NOVA2: variants seen among roughly 807,000 people sequenced by gnomAD.
The protein encoded by NOVA2 is NOVA alternative splicing regulator 2.
Under a neutral mutation model 22.5 loss-of-function variants are expected in NOVA2, and 9 were observed. That is an observed-to-expected ratio of 0.40 (90% CI 0.24 to 0.70). The LOEUF (loss-of-function observed/expected upper bound fraction) is 0.70, where lower values mean the gene tolerates loss of function less well. NOVA2 is among the 30% of genes least tolerant of loss of function. NOVA2 has a pLI of 0.38. For synonymous variants in NOVA2, 318 were observed against 335.2 expected (o/e 0.95, Z 0.56); for missense variants, 383 against 682.8 (o/e 0.56, Z 4.89).
At chr19:45,966,961 C>T (rs1040657564) in intron 1 of NOVA2, among the ~76,000 whole-genome samples, 3 of 152,152 alleles carry the variant, frequency 2.0e-5, no homozygotes, top group African/African-American at 7.2e-5. Flanking sequence ...TTCTCCCTAA[C>T]ATACATTAAT....
chr19:45,940,984 T>G (rs1309159187), intron 3 of NOVA2, 39 bp from the exon 4 acceptor site: 1 of 1,526,590 alleles, frequency 6.6e-7, no homozygotes, highest in Admixed American at 2.1e-5. Context: ...TAATTTTATT[T>G]TTTTAAAAAA....
At chr19:45,972,209 C>T (rs1968241582) in intron 1 of NOVA2, among the ~76,000 whole-genome samples, 1 of 152,076 alleles carries the variant, frequency 6.6e-6, no homozygotes, top group African/African-American at 2.4e-5. Context: ...GTTTCACCCA[C>T]AAGCCCCAGC....
Position 45,973,328 on chromosome 19 carries a change from G to A in NOVA2, c.24C>T (p.Ser8=). 1 of 1,286,332 alleles carries A rather than the reference G, an allele frequency of 7.8e-7. No homozygotes were observed. Among genetic ancestry groups the A allele is most frequent in the Non-Finnish European group, 9.9e-7 (1 of 1,011,374 alleles). 79.7% of individuals were successfully genotyped at this position (1,286,332 alleles called of 1,614,324 possible). The change falls in exon 1 of 4, where the codon TCC becomes TCT. Residue 8 remains serine (S), a synonymous_variant. Transcript: ENST00000263257. ...GGGGCGTTTCGAGGGGCCTCTTGCG[G>A]GAATCCGGGGCCTCGGGCTCCATGG... is the stretch of plus-strand genomic sequence containing the variant. The part of the protein sequence containing the change: MEPEAPD[S]RKRPLETPPE...
intron 3 of NOVA2, among the ~76,000 whole-genome samples, chr19:45,948,281 T>C (rs1157247298): frequency 1.3e-5 from 2 of 152,060 alleles, no homozygotes; most frequent in Non-Finnish European, 2.9e-5. Context: ...GTGCAATTAA[T>C]ATAAGCCATA....
intron 1 of NOVA2, among the ~76,000 whole-genome samples, chr19:45,971,803 G>A (rs1173182435): frequency 6.6e-6 from 1 of 152,012 alleles, no homozygotes; most frequent in East Asian, 1.9e-4. Flanking sequence ...CCTCCTACCA[G>A]GGAGCTAGAG....
intron 3 of NOVA2, among the ~76,000 whole-genome samples, chr19:45,942,093 C>T (rs1967768710): frequency 6.6e-6 from 1 of 152,206 alleles, no homozygotes; most frequent in African/African-American, 2.4e-5. Context: ...AATCTAGGCT[C>T]TTGGGTTCCT....
chr19:45,969,527 A>G (rs886224631), intron 1 of NOVA2, among the ~76,000 whole-genome samples: 1 of 150,886 alleles, frequency 6.6e-6, no homozygotes, highest in African/African-American at 2.4e-5. Flanking sequence ...AAAAAAAAAA[A>G]AAAAAAAAAA....
At chr19:45,952,710 AC>A (rs569840795) in intron 3 of NOVA2, among the ~76,000 whole-genome samples, 77 of 152,276 alleles carry the variant, frequency 5.1e-4, no homozygotes, top group African/African-American at 1.8e-3. Context: ...TTCGGGAGAA[AC>A]CTGGCGGGGA....
intron 3 of NOVA2, among the ~76,000 whole-genome samples, chr19:45,945,842 T>TA (rs1967829468): frequency 3.3e-5 from 5 of 149,904 alleles, no homozygotes; most frequent in African/African-American, 1.2e-4. Flanking sequence ...ATTATTATTT[T>TA]TTTTTTTTTT....
intron 1 of NOVA2, among the ~76,000 whole-genome samples, chr19:45,966,208 C>G (rs73053732): frequency 0.36 from 53,983 of 152,000 alleles, 11,645 homozygotes; most frequent in Non-Finnish European, 0.49. Context: ...TCCTGTCTTT[C>G]TCATGCCACC....
chr19:45,955,118 GA>G (rs2146417783), intron 2 of NOVA2, among the ~76,000 whole-genome samples: 1 of 152,216 alleles, frequency 6.6e-6, no homozygotes, highest in Non-Finnish European at 1.5e-5. Flanking sequence ...AGAAACAAAA[GA>G]ATCTCACAAA....
At position 45,935,268 on chromosome 19, in the gene NOVA2, T is replaced by C. The variant is rs1241300939; in HGVS notation, c.*4595A>G. 6.6e-6 allele frequency: 1 copy of C among 152,638 alleles called. No individual in the cohort carries two copies. The highest frequency in any genetic ancestry group is 1.5e-5 in the Non-Finnish European group (1 of 68,456). The allele number at this position is 152,638 out of a possible 1,614,324, so 9.5% of individuals were successfully genotyped here. A position where few individuals can be genotyped will look rare whatever the true frequency, so the allele number is the denominator to read the frequency against. ...CATGACCCCACAGATTCTCTTCCCA[T>C]TTCCCTCCCTGCCACCCAGCAATCT... On this transcript the variant is annotated 3_prime_UTR_variant, in exon 4 of 4. Transcript: ENST00000263257.
In NOVA2 at chr19:45,936,746, A is replaced by T. The variant is rs1010687769; in HGVS notation, c.*3117T>A. 5 of 152,250 alleles carry T rather than the reference A, an allele frequency of 3.3e-5. No individual in the cohort carries two copies. The highest frequency in any genetic ancestry group is 1.2e-4 in the African/African-American group (5 of 41,424). 9.4% of individuals were successfully genotyped at this position (152,250 alleles called of 1,614,324 possible). Reference sequence around the variant, plus strand: ...AGGGAGGAAGACACTTGGAGAAGGTATGGGAAGCTAGAGGGCAAATGAGAA... The same window carrying T: ...AGGGAGGAAGACACTTGGAGAAGGTTTGGGAAGCTAGAGGGCAAATGAGAA... On this transcript the variant is annotated 3_prime_UTR_variant, in exon 4 of 4. Coordinates refer to ENST00000263257, the MANE Select transcript of NOVA2 (RefSeq NM_002516.4).
intron 2 of NOVA2, among the ~76,000 whole-genome samples, chr19:45,959,791 C>T (rs1334681543): frequency 4.7e-5 from 5 of 106,150 alleles, no homozygotes; most frequent in East Asian, 2.6e-4. Flanking sequence ...AGAGGAGAGA[C>T]GGGGTGGGGA....
chr19:45,973,202 G>A (rs976469401), intron 1 of NOVA2, 65 bp downstream of exon 1: 3 of 852,042 alleles, frequency 3.5e-6, no homozygotes, highest in Non-Finnish European at 5.0e-6. Flanking sequence ...GGGAGGGGGG[G>A]AAAGGATGGA....
chr19:45,947,174 C>A (rs1261097888), intron 3 of NOVA2, among the ~76,000 whole-genome samples: 1 of 152,064 alleles, frequency 6.6e-6, no homozygotes, highest in African/African-American at 2.4e-5. Context: ...TTCAAATCCA[C>A]GAGGTTAGAG....
At chr19:45,972,352 C>T (rs1968243593) in intron 1 of NOVA2, among the ~76,000 whole-genome samples, 1 of 152,190 alleles carries the variant, frequency 6.6e-6, no homozygotes, top group East Asian at 1.9e-4. Flanking sequence ...GTCACATCCC[C>T]TCACCAGCCA....
At chr19:45,969,509 G>GAAAA (rs397946088) in intron 1 of NOVA2, among the ~76,000 whole-genome samples, 15 of 40,550 alleles carry the variant, frequency 3.7e-4, no homozygotes, top group South Asian at 1.8e-3. Context: ...CCCTGTCTCA[G>GAAAA]AAAAAAAAAA....
At chr19:45,948,212 C>T (rs1218633089) in intron 3 of NOVA2, among the ~76,000 whole-genome samples, 1 of 152,098 alleles carries the variant, frequency 6.6e-6, no homozygotes, top group African/African-American at 2.4e-5. Flanking sequence ...CCTATTCATT[C>T]AAATAAGTGA....
Sources: allele counts gnomAD v4.1 joint callset (sites outside exome capture counted in the v4.1 genomes callset), GRCh38; gene constraint gnomAD v4.1.1; transcripts MANE v1.5; gene names NCBI Gene and HGNC (gene_info 2026-07-23, HGNC 2026-07-21).